Variants in PHF20 observed in about 807,000 individuals in gnomAD.
PHF20 encodes glioma-expressed antigen 2.
A neutral mutation model predicts 113.5 loss-of-function variants in PHF20; 23 were observed. The ratio of observed to expected loss-of-function variants is 0.20; its 90% CI spans 0.15 to 0.29. PHF20 has a LOEUF of 0.29. Among genes scored for constraint, PHF20 ranks in the 10% least tolerant of loss-of-function variants. The pLI, the probability that PHF20 is intolerant of heterozygous loss-of-function variation, is 1.00. For synonymous variants in PHF20, 434 were observed against 457.3 expected (o/e 0.95, Z 0.65); for missense variants, 943 against 1,219.6 (o/e 0.77, Z 3.38).
rs369010616 is a variant in PHF20, at chr20:35,940,912, C to T, written c.2761C>T (p.Arg921Trp). The change falls in exon 17 of 18, where the codon CGG (arginine) becomes TGG (tryptophan). Residue 921 changes from arginine to tryptophan, a missense_variant. Physicochemically the swap from Arg to Trp is moderately radical, Grantham distance 101 (BLOSUM62 -3). This residue lies in a region of PHF20 where 349 missense variants were observed against 412.3 expected (regional missense o/e 0.85). Coordinates refer to ENST00000374012, the MANE Select transcript of PHF20 (RefSeq NM_016436.5). ...GGCCCTACCAGAAGAAGCCCCTGCT[C>T]GGAAGCTGCTGGACAGAGGTGGAGA... ...KKALPEEAPARKLLDRGGEGL... is the reference protein window; with the variant it reads ...KKALPEEAPAWKLLDRGGEGL... 25 of 1,614,000 alleles carry T rather than the reference C, an allele frequency of 1.5e-5. No homozygotes were observed. The highest frequency in any genetic ancestry group is 4.0e-5 in the African/African-American group (3 of 74,924).
chr20:35,844,874 T>C (rs1408267434), intron 3 of PHF20, among the ~76,000 whole-genome samples: 3 of 152,180 alleles, frequency 2.0e-5, no homozygotes, highest in African/African-American at 7.2e-5. Context: ...TTAATAAGCA[T>C]TTAAATTTGT....
intron 2 of PHF20, 185 bp downstream of exon 2, chr20:35,801,790 C>T (rs1399934515): frequency 2.0e-6 from 1 of 498,622 alleles, no homozygotes; most frequent in Non-Finnish European, 3.6e-6. Flanking sequence ...TGTCCTGTAA[C>T]CCCCTGTATA....
At chr20:35,785,265 A>G (rs1569116269) in intron 1 of PHF20, among the ~76,000 whole-genome samples, 1 of 152,166 alleles carries the variant, frequency 6.6e-6, no homozygotes, top group Non-Finnish European at 1.5e-5. Flanking sequence ...ATTTCCTGGT[A>G]TTAATAATAA....
chr20:35,927,091 C>G (rs1433529238), intron 13 of PHF20, among the ~76,000 whole-genome samples: 1 of 152,176 alleles, frequency 6.6e-6, no homozygotes, highest in East Asian at 1.9e-4. Flanking sequence ...GCCCTCTCCC[C>G]CTGTCCCCTC....
Position 35,949,709 on chromosome 20 carries a change from G to A in PHF20, c.*2082G>A, listed in dbSNP as rs2056144837. 6.6e-6 allele frequency: 1 copy of A among 152,600 alleles called. No homozygotes were observed. Among genetic ancestry groups the A allele is most frequent in the African/African-American group, 2.4e-5 (1 of 41,438 alleles). The allele number at this position is 152,600 out of a possible 1,614,324, so 9.5% of individuals were successfully genotyped here. A position where few individuals can be genotyped will look rare whatever the true frequency, so the allele number is the denominator to read the frequency against. On this transcript the variant is annotated 3_prime_UTR_variant, in exon 18 of 18. Coordinates refer to ENST00000374012, the MANE Select transcript of PHF20 (RefSeq NM_016436.5). The stretch of plus-strand genomic sequence containing the variant: ...GGTCAAGGTGAATTAACCCTATGTT[G>A]GAGCACTGGAAACCGTTATTTGCAA...
chr20:35,886,787 G>A (rs2054741704), intron 9 of PHF20, among the ~76,000 whole-genome samples: 1 of 152,210 alleles, frequency 6.6e-6, no homozygotes. Flanking sequence ...TTTGTGGAGT[G>A]AGCTGGGTCT....
Position 35,858,387 on chromosome 20 carries a change from A to G in PHF20, c.420+6A>G, listed in dbSNP as rs1427581594. 2.6e-6 allele frequency: 4 copies of G among 1,528,668 alleles called. No individual in the cohort carries two copies. 94.7% of individuals were successfully genotyped at this position (1,528,668 alleles called of 1,614,324 possible). On this transcript the variant is annotated splice_donor_region_variant and intron_variant, in intron 5 of 17. Transcript: ENST00000374012. ...AAGCTTTTTCCAAAGATCAGGTGAG[A>G]AATGTGGTTTTGTGCTTTGTGTTAT...
At chr20:35,845,780 CTT>C (rs398061407) in intron 3 of PHF20, among the ~76,000 whole-genome samples, 25 of 135,222 alleles carry the variant, frequency 1.8e-4, no homozygotes, top group Admixed American at 1.5e-4. Flanking sequence ...ATTTTTCTTT[CTT>C]TTTTTTTTTT....
chr20:35,796,754 A>G (rs748312645), intron 1 of PHF20, among the ~76,000 whole-genome samples: 4 of 152,202 alleles, frequency 2.6e-5, no homozygotes, highest in African/African-American at 9.6e-5. Context: ...GGTCAGAGAA[A>G]GAGGAAGGAC....
intron 15 of PHF20, among the ~76,000 whole-genome samples, chr20:35,932,582 C>T (rs926302152): frequency 6.6e-6 from 1 of 150,932 alleles, no homozygotes; most frequent in Non-Finnish European, 1.5e-5. Context: ...AGGCGCACGC[C>T]ACCACACCCG....
In PHF20 at chr20:35,940,872, A is replaced by C; in HGVS notation, c.2721A>C (p.Glu907Asp). The C allele has an allele frequency of 1.9e-6, 3 of 1,612,952 alleles. No individual in the cohort carries two copies. Among genetic ancestry groups the C allele is most frequent in the Non-Finnish European group, 2.5e-6 (3 of 1,179,454 alleles). Residue 907 changes from glutamate (E) to aspartate (D), a missense_variant, in exon 17 of 18, where the codon GAA (glutamate) becomes GAC (aspartate). Glu to Asp is a conservative substitution (Grantham distance 45, BLOSUM62 2). Transcript: ENST00000374012. ...DPKPGSPKVK[E>D]YVSKKALPEE... ...TGCCATTGCATCCCCAGGTGAAGGA[A>C]TATGTCTCCAAAAAGGCCCTACCAG...
intron 2 of PHF20, among the ~76,000 whole-genome samples, chr20:35,830,297 C>T (rs190344286): frequency 7.8e-4 from 119 of 152,302 alleles, no homozygotes; most frequent in African/African-American, 2.8e-3. Flanking sequence ...CTCCTGGTAA[C>T]CTCTATTCTG....
chr20:35,833,127 A>C (rs2042382996), intron 2 of PHF20, among the ~76,000 whole-genome samples: 1 of 151,440 alleles, frequency 6.6e-6, no homozygotes. Context: ...CAGAGCAGGT[A>C]CTCAGAAAAT....
At chr20:35,843,544 G>T (rs1444543472) in intron 3 of PHF20, among the ~76,000 whole-genome samples, 1 of 138,888 alleles carries the variant, frequency 7.2e-6, no homozygotes, top group Non-Finnish European at 1.6e-5. Context: ...AAAAAAAAAA[G>T]TGATCATTCC....
rs543925435 is a variant in PHF20, at chr20:35,840,667, C to T, written c.84-1906C>T. ...TATTGCAGACCAGCAGCAGCAGCAGCAGCAGCAACATCTGGGAGCTTGTGA... is the reference window on the plus strand; with the variant it reads ...TATTGCAGACCAGCAGCAGCAGCAGTAGCAGCAACATCTGGGAGCTTGTGA... On this transcript the variant is annotated intron_variant, in intron 2 of 17. Coordinates refer to ENST00000374012, the MANE Select transcript of PHF20 (RefSeq NM_016436.5). Among the ~76,000 whole-genome samples, 9 of 152,286 alleles carry T rather than the reference C, an allele frequency of 5.9e-5. No homozygotes were observed. In the East Asian group the frequency reaches 1.7e-3, roughly 29 times the overall value.
intron 9 of PHF20, among the ~76,000 whole-genome samples, chr20:35,889,318 A>G (rs2054803534): frequency 6.7e-6 from 1 of 149,530 alleles, no homozygotes; most frequent in Non-Finnish European, 1.5e-5. Flanking sequence ...CTGGTGCTAT[A>G]CATAATTTTC....
At chr20:35,835,661 G>A (rs1006548451) in intron 2 of PHF20, among the ~76,000 whole-genome samples, 1 of 152,210 alleles carries the variant, frequency 6.6e-6, no homozygotes, top group African/African-American at 2.4e-5. Context: ...CGGGCACAGT[G>A]GCTCACGCCT....
chr20:35,799,291 CAAAAAAAAA>C (rs35210007), intron 1 of PHF20, among the ~76,000 whole-genome samples: 36 of 21,004 alleles, frequency 1.7e-3, no homozygotes, highest in African/African-American at 3.4e-3. Context: ...ACTCTCTCTG[CAAAAAAAAA>C]AAAAAAAAAA....
intron 4 of PHF20, among the ~76,000 whole-genome samples, chr20:35,851,589 G>T (rs1003127843): frequency 2.1e-5 from 3 of 144,080 alleles, no homozygotes; most frequent in African/African-American, 2.5e-5. Context: ...CCCCCACCCC[G>T]CCCCTTTTTT....
Sources: allele counts gnomAD v4.1 joint callset (sites outside exome capture counted in the v4.1 genomes callset), GRCh38; gene constraint gnomAD v4.1.1; regional missense constraint gnomAD v4.1.1; transcripts MANE v1.5; gene names NCBI Gene and HGNC (gene_info 2026-07-23, HGNC 2026-07-21).